The following PCDH15 variants were observed in gnomAD, a reference collection of about 807,000 sequenced individuals.
The protein encoded by PCDH15 is protocadherin related 15.
Under a neutral mutation model 178.5 loss-of-function variants are expected in PCDH15, and 129 were observed. The observed-to-expected ratio is 0.72, with a 90% CI of 0.63 to 0.84. The LOEUF (loss-of-function observed/expected upper bound fraction) is 0.84, where lower values mean the gene tolerates loss of function less well. Ranked by LOEUF, PCDH15 falls within the 40% of genes least tolerant of loss-of-function variation. The pLI, the probability that PCDH15 is intolerant of heterozygous loss-of-function variation, is 0.00. For missense variants in PCDH15, 2,230 were observed against 2,099.9 expected, an observed-to-expected ratio of 1.06 and a Z score of -1.21; for synonymous variants, 800 against 732.0, an observed-to-expected ratio of 1.09 and a Z score of -1.50.
At chr10:54,873,624 C>A (rs1954079837) in intron 3 of PCDH15, among the ~76,000 whole-genome samples, 1 of 143,022 alleles carries the variant, frequency 7.0e-6, no homozygotes, top group African/African-American at 2.6e-5. Context: ...GTGTAATCTT[C>A]CCGTATGTTC....
At chr10:55,318,885 AT>A (rs972371968) in intron 1 of PCDH15, among the ~76,000 whole-genome samples, 2 of 151,904 alleles carry the variant, frequency 1.3e-5, no homozygotes, top group African/African-American at 2.4e-5. Context: ...AAGAAAAAGC[AT>A]TTTTTTTCTG....
At chr10:54,061,109 T>A (rs1015442597) in intron 18 of PCDH15, among the ~76,000 whole-genome samples, 43 of 152,150 alleles carry the variant, frequency 2.8e-4, no homozygotes, top group African/African-American at 9.9e-4. Flanking sequence ...GATCAGAATA[T>A]GACTGCATTT....
chr10:53,912,813 C>G (rs1375400670), intron 25 of PCDH15, among the ~76,000 whole-genome samples: 1 of 152,190 alleles, frequency 6.6e-6, no homozygotes, highest in Non-Finnish European at 1.5e-5. Flanking sequence ...AATGGAAGAA[C>G]ATTCCATGCT....
intron 13 of PCDH15, among the ~76,000 whole-genome samples, chr10:54,171,800 G>A (rs184744751): frequency 1.5e-4 from 23 of 151,096 alleles, no homozygotes; most frequent in African/African-American, 4.4e-4. Flanking sequence ...ATCCAAAACC[G>A]TATCCAGGCC....
At chr10:54,378,747 T>A in intron 4 of PCDH15, 35 bp downstream of exon 4, 1 of 1,602,710 alleles carries the variant, frequency 6.2e-7, no homozygotes, top group Non-Finnish European at 8.5e-7. Flanking sequence ...TATAATAAAC[T>A]TATATTACAG....
In PCDH15 at chr10:55,130,680, CGTGTGTGTGTGTGTGTGT is replaced by C. The variant is rs72055158; in HGVS notation, c.-80+35878_-80+35895del. Among the ~76,000 whole-genome samples the C allele has an allele frequency of 1.4e-3, 210 of 146,334 alleles. 1 individual carries two copies. Among genetic ancestry groups the C allele is most frequent in the Admixed American group, 4.8e-3 (71 of 14,738 alleles). ...CTTAACATGTATAAACACACATACA[CGTGTGTGTGTGTGTGTGT>C]GTGTGTGTGTGTGTGTGTGTGTGTG... On this transcript the variant is annotated intron_variant, in intron 2 of 5. Transcript: ENST00000458638.
intron 2 of PCDH15, among the ~76,000 whole-genome samples, chr10:55,376,592 G>A (rs770822865): frequency 2.0e-5 from 3 of 152,050 alleles, no homozygotes; most frequent in Non-Finnish European, 2.9e-5. Flanking sequence ...AAGAAGGTAT[G>A]TAATATTCCC....
chr10:55,510,882 G>A (rs965451371), intron 2 of PCDH15, among the ~76,000 whole-genome samples: 2 of 150,100 alleles, frequency 1.3e-5, no homozygotes, highest in Non-Finnish European at 3.0e-5. Flanking sequence ...ACACACTTGA[G>A]ATAGGATCTT....
chr10:54,665,112 C>T (rs1372107843), intron 1 of PCDH15, among the ~76,000 whole-genome samples: 4 of 151,614 alleles, frequency 2.6e-5, no homozygotes, highest in African/African-American at 9.7e-5. Context: ...TCAGAGGTTC[C>T]AAACTCAAAT....
intron 1 of PCDH15, among the ~76,000 whole-genome samples, chr10:54,724,595 T>C (rs1255991530): frequency 6.6e-6 from 1 of 151,574 alleles, no homozygotes; most frequent in East Asian, 1.9e-4. Flanking sequence ...ACTGAAAAGT[T>C]ATATGTTAAT....
intron 1 of PCDH15, among the ~76,000 whole-genome samples, chr10:55,281,501 G>T (rs1002081483): frequency 6.7e-6 from 1 of 149,820 alleles, no homozygotes. Context: ...CTTTGTCACT[G>T]GCTATTTCTA....
chr10:54,144,503 T>C (rs1284949265), intron 14 of PCDH15, among the ~76,000 whole-genome samples: 1 of 152,202 alleles, frequency 6.6e-6, no homozygotes, highest in Non-Finnish European at 1.5e-5. Flanking sequence ...GATTGCTTTC[T>C]TGCCCCTCCC....
chr10:53,999,245 G>A (rs1480028555), intron 20 of PCDH15, among the ~76,000 whole-genome samples: 1 of 152,026 alleles, frequency 6.6e-6, no homozygotes, highest in Non-Finnish European at 1.5e-5. Context: ...AATGCCTTGA[G>A]GTTTATGGAG....
intron 8 of PCDH15, among the ~76,000 whole-genome samples, chr10:54,260,903 G>T (rs1006611565): frequency 6.6e-6 from 1 of 152,144 alleles, no homozygotes; most frequent in African/African-American, 2.4e-5. Flanking sequence ...AAAGTGTGGG[G>T]ATTACAGGTG....
At chr10:54,252,972 C>G (rs1291005808) in intron 8 of PCDH15, among the ~76,000 whole-genome samples, 2 of 151,846 alleles carry the variant, frequency 1.3e-5, no homozygotes, top group African/African-American at 4.8e-5. Flanking sequence ...ATTGTAGATA[C>G]TCGATTGCCA....
chr10:54,598,564 C>A (rs1317282295), intron 2 of PCDH15, among the ~76,000 whole-genome samples: 2 of 151,620 alleles, frequency 1.3e-5, no homozygotes, highest in Non-Finnish European at 3.0e-5. Context: ...AAACCAGCAC[C>A]AAAAAAATGA....
intron 2 of PCDH15, among the ~76,000 whole-genome samples, chr10:54,958,135 G>A (rs1377241012): frequency 6.6e-6 from 1 of 151,736 alleles, no homozygotes; most frequent in Non-Finnish European, 1.5e-5. Flanking sequence ...TTTTGTTGAA[G>A]ATGCTATATA....
At chr10:54,334,391 T>A (rs1240048100) in intron 6 of PCDH15, among the ~76,000 whole-genome samples, 1 of 152,158 alleles carries the variant, frequency 6.6e-6, no homozygotes, top group Non-Finnish European at 1.5e-5. Context: ...TTTCCCAAGA[T>A]GATTCCATCC....
chr10:55,282,715 A>C (rs542664877), intron 1 of PCDH15, among the ~76,000 whole-genome samples: 1 of 152,316 alleles, frequency 6.6e-6, no homozygotes, highest in African/African-American at 2.4e-5. Context: ...TTAATTAACT[A>C]ATCAACATAT....
Sources: allele counts gnomAD v4.1 joint callset (sites outside exome capture counted in the v4.1 genomes callset), GRCh38; gene constraint gnomAD v4.1.1; transcripts MANE v1.5; gene names NCBI Gene and HGNC (gene_info 2026-07-23, HGNC 2026-07-21).